Variants in CNOT2 observed in about 807,000 individuals in gnomAD.
CNOT2 encodes the protein CCR4-NOT transcription complex subunit 2.
A neutral mutation model predicts 72.1 loss-of-function variants in CNOT2; 7 were observed. The observed-to-expected ratio is 0.10, with a 90% confidence interval of 0.06 to 0.18. The LOEUF is 0.18. CNOT2 is among the 10% of genes least tolerant of loss of function. CNOT2 has a pLI of 1.00. For missense variants in CNOT2, 345 were observed against 660.3 expected, an observed-to-expected ratio of 0.52 and a Z score of 5.23; for synonymous variants, 196 against 225.6, an observed-to-expected ratio of 0.87 and a Z score of 1.17.
intron 2 of CNOT2, among the ~76,000 whole-genome samples, chr12:70,278,813 A>T (rs1248247716): frequency 6.6e-6 from 1 of 152,200 alleles, no homozygotes; most frequent in Non-Finnish European, 1.5e-5. Context: ...AAGGTGGTTA[A>T]TAATATTCAT....
chr12:70,275,044 G>T (rs771829418), intron 1 of CNOT2, among the ~76,000 whole-genome samples: 4 of 151,936 alleles, frequency 2.6e-5, no homozygotes, highest in Non-Finnish European at 4.4e-5. Flanking sequence ...TGAGTTGTAT[G>T]GTAAGCTTGT....
chr12:70,312,569 C>T (rs1876651413), intron 3 of CNOT2, among the ~76,000 whole-genome samples: 1 of 151,840 alleles, frequency 6.6e-6, no homozygotes, highest in Non-Finnish European at 1.5e-5. Context: ...AAATGTTGGC[C>T]ACCATTCTGA....
At chr12:70,295,123 T>C (rs1872605109) in intron 2 of CNOT2, among the ~76,000 whole-genome samples, 1 of 152,206 alleles carries the variant, frequency 6.6e-6, no homozygotes, top group South Asian at 2.1e-4. Flanking sequence ...CGTGTTTCTT[T>C]CGTTCTCCTA....
chr12:70,304,612 TG>T (rs746400442), intron 2 of CNOT2, among the ~76,000 whole-genome samples: 1 of 152,216 alleles, frequency 6.6e-6, no homozygotes, highest in South Asian at 2.1e-4. Flanking sequence ...CCGCCCCTAC[TG>T]GGGGGTCAGG....
intron 2 of CNOT2, among the ~76,000 whole-genome samples, chr12:70,299,219 T>C (rs917291082): frequency 2.6e-5 from 4 of 152,148 alleles, no homozygotes; most frequent in African/African-American, 9.7e-5. Flanking sequence ...ACTTATTTTT[T>C]TTTTAATTTT....
At chr12:70,312,866 A>G (rs1258619236) in intron 3 of CNOT2, among the ~76,000 whole-genome samples, 5 of 151,958 alleles carry the variant, frequency 3.3e-5, no homozygotes, top group Non-Finnish European at 5.9e-5. Context: ...AATTATACAA[A>G]TTTTTAAAAA....
intron 2 of CNOT2, among the ~76,000 whole-genome samples, chr12:70,281,175 C>A (rs894476441): frequency 6.6e-6 from 1 of 151,562 alleles, no homozygotes; most frequent in South Asian, 2.1e-4. Context: ...ACCTCCGCCT[C>A]CTGGGTTCAA....
At chr12:70,259,368 T>C (rs914720566) in intron 1 of CNOT2, among the ~76,000 whole-genome samples, 2 of 152,182 alleles carry the variant, frequency 1.3e-5, no homozygotes, top group East Asian at 1.9e-4. Context: ...TAAATCAACT[T>C]TGTCAAGGAA....
intron 2 of CNOT2, among the ~76,000 whole-genome samples, chr12:70,301,535 C>T (rs575604633): frequency 0.014 from 2,119 of 151,254 alleles, 49 homozygotes; most frequent in African/African-American, 0.048. Flanking sequence ...TATTGATTTT[C>T]TTATGTTGAA....
chr12:70,252,358 TG>T (rs1458486256), intron 1 of CNOT2, among the ~76,000 whole-genome samples: 1 of 152,074 alleles, frequency 6.6e-6, no homozygotes, highest in African/African-American at 2.4e-5. Context: ...GGCAAATTTT[TG>T]TATCTTTTGT....
chr12:70,303,797 T>C (rs1026284502), intron 2 of CNOT2, among the ~76,000 whole-genome samples: 1 of 152,198 alleles, frequency 6.6e-6, no homozygotes, highest in African/African-American at 2.4e-5. Flanking sequence ...TCCTGGATAA[T>C]ATCCTCCAGA....
chr12:70,340,872 G>T (rs7970399), intron 11 of CNOT2, among the ~76,000 whole-genome samples: 30,188 of 142,410 alleles, frequency 0.21, 3,476 homozygotes, highest in African/African-American at 0.31. Flanking sequence ...GTTTCATTAT[G>T]ATTAAAAACC....
At chr12:70,341,691 A>G (rs1329800668) in intron 11 of CNOT2, among the ~76,000 whole-genome samples, 2 of 152,190 alleles carry the variant, frequency 1.3e-5, no homozygotes, top group Non-Finnish European at 2.9e-5. Flanking sequence ...GATGAATTTA[A>G]ACTTTTGCAA....
intron 2 of CNOT2, among the ~76,000 whole-genome samples, chr12:70,302,257 G>C (rs1326278499): frequency 1.1e-4 from 16 of 151,364 alleles, no homozygotes; most frequent in African/African-American, 3.9e-4. Flanking sequence ...CCTTCTGCTA[G>C]CTTTTGAATG....
chr12:70,266,588 T>G (rs1314806549), intron 1 of CNOT2, among the ~76,000 whole-genome samples: 1 of 152,210 alleles, frequency 6.6e-6, no homozygotes, highest in Non-Finnish European at 1.5e-5. Context: ...CTTTCAGGCT[T>G]ATTAGTTTTT....
At chr12:70,276,637 T>C (rs940489136) in intron 1 of CNOT2, among the ~76,000 whole-genome samples, 4 of 152,066 alleles carry the variant, frequency 2.6e-5, no homozygotes, top group Non-Finnish European at 4.4e-5. Flanking sequence ...TTTGTAACTT[T>C]CCTTATGAAT....
chr12:70,320,608 A>G (rs1302889665), intron 4 of CNOT2, among the ~76,000 whole-genome samples: 1 of 151,536 alleles, frequency 6.6e-6, no homozygotes, highest in Non-Finnish European at 1.5e-5. Context: ...TTAGCTAGTA[A>G]TTTATTCTGC....
intron 1 of CNOT2, among the ~76,000 whole-genome samples, chr12:70,267,611 A>G (rs1959114542): frequency 6.6e-6 from 1 of 152,214 alleles, no homozygotes. Context: ...TATCACTTCA[A>G]GTGGAATGTG....
chr12:70,294,155 C>A (rs1323148895), intron 2 of CNOT2: 3 of 1,289,328 alleles, frequency 2.3e-6, no homozygotes, highest in Admixed American at 4.6e-5. Context: ...ATGGCGTCAA[C>A]CCTGCTGTAA....
Sources: allele counts gnomAD v4.1 joint callset (sites outside exome capture counted in the v4.1 genomes callset), GRCh38; gene constraint gnomAD v4.1.1; transcripts MANE v1.5; gene names NCBI Gene and HGNC (gene_info 2026-07-23, HGNC 2026-07-21).